VPS35L: variants seen among roughly 807,000 people sequenced by gnomAD.
VPS35L encodes the protein VPS35 endosomal protein sorting factor like, also known as VPS35 endosomal protein-sorting factor-like.
VPS35L carries 83 observed loss-of-function variants against 133.0 expected under a neutral mutation model. That is an observed-to-expected ratio of 0.62 (90% CI 0.52 to 0.75). VPS35L has a LOEUF of 0.75. Ranked by LOEUF, VPS35L falls within the 30% of genes least tolerant of loss-of-function variation. VPS35L has a pLI of 0.00. For synonymous variants in VPS35L, 423 were observed against 449.9 expected (o/e 0.94, Z 0.76); for missense variants, 1,083 against 1,206.8 (o/e 0.90, Z 1.52).
At chr16:19,627,565 A>ATTT in intron 15 of VPS35L, 129 bp from the exon 16 acceptor site, 2 of 690,818 alleles carry the variant, frequency 2.9e-6, no homozygotes, top group Admixed American at 2.3e-5. Context: ...TTTTACTCTG[A>ATTT]TTTTTTGTTT....
intron 26 of VPS35L, among the ~76,000 whole-genome samples, chr16:19,667,407 G>A (rs1027747506): frequency 3.3e-5 from 5 of 152,082 alleles, no homozygotes; most frequent in Non-Finnish European, 7.4e-5. Context: ...TGAGATAAGT[G>A]GATTCATAGA....
intron 8 of VPS35L, among the ~76,000 whole-genome samples, chr16:19,601,152 C>A (rs1197401473): frequency 1.3e-5 from 2 of 152,214 alleles, no homozygotes; most frequent in African/African-American, 2.4e-5. Flanking sequence ...TGCTCTTGAA[C>A]TCCTGGGCTC....
intron 5 of VPS35L, among the ~76,000 whole-genome samples, chr16:19,576,250 T>C (rs1971534915): frequency 6.6e-6 from 1 of 151,522 alleles, no homozygotes; most frequent in African/African-American, 2.4e-5. Context: ...ACAGAGGAAG[T>C]AGTCTCCCCC....
In VPS35L at chr16:19,555,748, T is replaced by C; in HGVS notation, c.17+2T>C. 3 of 1,578,064 alleles carry C rather than the reference T, an allele frequency of 1.9e-6. No homozygotes were observed. Among genetic ancestry groups the C allele is most frequent in the East Asian group, 2.2e-5 (1 of 44,624 alleles). ...TGGGAAGATGGCCGTCTTTCCTTGG[T>C]AAGGAAGCAGCGGCGGGTGGGCTTT... On this transcript the variant is annotated splice_donor_variant, in intron 1 of 30. Transcript: ENST00000417362. LOFTEE classifies it high-confidence loss of function.
chr16:19,591,838 A>AC lies in VPS35L; in HGVS notation c.688_689insC (p.Lys230ThrfsTer10). Reference sequence around the variant, plus strand: ...CAGTGTTATTCAGTTCTACCCAAGCAAATTTGTCCTTATCACCGACATACT... The same window carrying AC: ...CAGTGTTATTCAGTTCTACCCAAGCACAATTTGTCCTTATCACCGACATACT... On this transcript the variant is annotated frameshift_variant, in exon 8 of 31. Transcript: ENST00000417362. LOFTEE classifies it high-confidence loss of function. 1 of 1,612,830 alleles carries AC rather than the reference A, an allele frequency of 6.2e-7. No homozygotes were observed. The highest frequency in any genetic ancestry group is 8.5e-7 in the Non-Finnish European group (1 of 1,178,934).
chr16:19,666,888 CTTTCTTTCTTTCTTTCTTTCTTT>C (rs879489614), intron 26 of VPS35L, among the ~76,000 whole-genome samples: 7,383 of 112,448 alleles, frequency 0.066, 387 homozygotes, highest in East Asian at 0.21. Context: ...TTCTTTCTTT[CTTTCTTTCTTTCTTTCTTTCTTT>C]CTTTCTTTCT....
At chr16:19,616,329 C>G (rs1002167731) in intron 13 of VPS35L, 138 bp downstream of exon 13, 1 of 713,536 alleles carries the variant, frequency 1.4e-6, no homozygotes. Context: ...ACACTAGCTT[C>G]TGTTGTAGAC....
intron 26 of VPS35L, among the ~76,000 whole-genome samples, chr16:19,666,894 T>TTC (rs1974686959): frequency 3.0e-5 from 3 of 100,516 alleles, no homozygotes; most frequent in Admixed American, 1.1e-4. Flanking sequence ...CTTTCTTTCT[T>TTC]TCTTTCTTTC....
chr16:19,583,944 A>G (rs1230534658), intron 7 of VPS35L, among the ~76,000 whole-genome samples: 2 of 152,164 alleles, frequency 1.3e-5, no homozygotes, highest in African/African-American at 4.8e-5. Flanking sequence ...TAGCTCCCAC[A>G]TATGAGTGAG....
chr16:19,590,235 GA>G (rs146042778), intron 7 of VPS35L, among the ~76,000 whole-genome samples: 4,827 of 143,086 alleles, frequency 0.034, 262 homozygotes, highest in African/African-American at 0.12. Flanking sequence ...ATGCTATGGA[GA>G]AACTTGGTGA....
chr16:19,650,248 G>A (rs1472446440), intron 24 of VPS35L, 134 bp from the exon 25 acceptor site: 4 of 735,516 alleles, frequency 5.4e-6, no homozygotes, highest in South Asian at 1.6e-5. Flanking sequence ...TCAAGGTTTA[G>A]TGCTAACCAG....
intron 24 of VPS35L, 134 bp downstream of exon 24, chr16:19,648,016 C>A: frequency 1.3e-6 from 1 of 766,332 alleles, no homozygotes; most frequent in South Asian, 1.7e-5. Context: ...TGCAGTGGCG[C>A]AATCATAGCT....
rs150841715 is a variant in VPS35L at position 19,602,342 on chromosome 16, G to A, written c.784+619G>A. On this transcript the variant is annotated intron_variant, in intron 9 of 30. Coordinates refer to ENST00000417362, the MANE Select transcript of VPS35L (RefSeq NM_020314.7). The stretch of plus-strand genomic sequence containing the variant: ...CTTCCGAGCACTGCTATGAGGAAAC[G>A]TTCTCATCCGTCCAAGCTAGAGCAA... Among the ~76,000 whole-genome samples the A allele has an allele frequency of 3.3e-3, 503 of 152,158 alleles. 7 individuals are homozygous for A. Among genetic ancestry groups the A allele is most frequent in the Non-Finnish European group, 4.7e-3 (320 of 68,020 alleles).
intron 14 of VPS35L, chr16:19,617,027 T>C (rs1972918309): frequency 1.4e-6 from 1 of 707,336 alleles, no homozygotes; most frequent in Non-Finnish European, 2.4e-6. Flanking sequence ...ATGTGGTAGC[T>C]CCAGAGGCCA....
intron 8 of VPS35L, among the ~76,000 whole-genome samples, chr16:19,600,241 C>G (rs1053471274): frequency 4.4e-5 from 6 of 134,850 alleles, no homozygotes; most frequent in Non-Finnish European, 6.2e-5. Context: ...TCTTTATTGC[C>G]CTGAATAAAG....
intron 25 of VPS35L, among the ~76,000 whole-genome samples, chr16:19,651,161 C>T (rs1252074862): frequency 2.6e-5 from 4 of 151,666 alleles, no homozygotes; most frequent in Non-Finnish European, 4.4e-5. Context: ...GGATTACAGG[C>T]GTGAGCCACC....
intron 9 of VPS35L, among the ~76,000 whole-genome samples, chr16:19,606,711 T>C (rs1972547098): frequency 6.6e-6 from 1 of 152,248 alleles, no homozygotes; most frequent in African/African-American, 2.4e-5. Flanking sequence ...GCCAACAAGC[T>C]AAGAATCATT....
chr16:19,581,510 G>A lies in VPS35L; in HGVS notation c.511-15G>A, dbSNP rs748602955. 1 of 1,567,678 alleles carries A rather than the reference G, an allele frequency of 6.4e-7. No homozygotes were observed. The highest frequency in any genetic ancestry group is 8.7e-7 in the Non-Finnish European group (1 of 1,154,346). ...TTTTCCTGCTATGCCTTCACCTTCT[G>A]CCTTCTCCCCACAGGGTTCCCAAAA... is the stretch of plus-strand genomic sequence containing the variant. On this transcript the variant is annotated splice_polypyrimidine_tract_variant and intron_variant, in intron 6 of 30. Transcript: ENST00000417362.
At chr16:19,597,215 A>T (rs1048127773) in intron 8 of VPS35L, among the ~76,000 whole-genome samples, 7 of 151,516 alleles carry the variant, frequency 4.6e-5, no homozygotes, top group Non-Finnish European at 1.0e-4. Flanking sequence ...CAAAACATTT[A>T]AAAAAAATAG....
Sources: allele counts gnomAD v4.1 joint callset (sites outside exome capture counted in the v4.1 genomes callset), GRCh38; gene constraint gnomAD v4.1.1; transcripts MANE v1.5; gene names NCBI Gene and HGNC (gene_info 2026-07-23, HGNC 2026-07-21).